Variants in PDRG1 observed in about 807,000 individuals in gnomAD.
PDRG1 encodes p53 and DNA damage-regulated protein 1.
PDRG1 carries 14 observed loss-of-function variants against 18.4 expected under a neutral mutation model. That is an observed-to-expected ratio of 0.76 (90% CI 0.50 to 1.19). The LOEUF (loss-of-function observed/expected upper bound fraction) is 1.19, where lower values mean the gene tolerates loss of function less well. Ranked by LOEUF, PDRG1 falls within the 50% of genes most tolerant of loss-of-function variation. The pLI is 0.00. For missense variants in PDRG1, 177 were observed against 160.1 expected, an observed-to-expected ratio of 1.11 and a Z score of -0.57; for synonymous variants, 65 against 60.9, an observed-to-expected ratio of 1.07 and a Z score of -0.31.
rs1211219201 is a variant in PDRG1, at chr20:31,945,715, C to A, written c.*92G>T. On this transcript the variant is annotated 3_prime_UTR_variant, in exon 5 of 5. Transcript: ENST00000202017. ...TCCTGACGGCTGGCCCCTTACAGGG[C>A]AGATCCTGTCCTTACAGGTGTCAAG... The A allele has an allele frequency of 1.4e-5, 14 of 1,024,754 alleles. No individual in the cohort carries two copies. The highest frequency in any genetic ancestry group is 2.5e-4 in the Middle Eastern group (1 of 4,034). 63.5% of individuals were successfully genotyped at this position (1,024,754 alleles called of 1,614,324 possible). A position where few individuals can be genotyped will look rare whatever the true frequency, so the allele number is the denominator to read the frequency against.
In PDRG1 at chr20:31,950,418, G is replaced by A. The variant is rs902114254; in HGVS notation, c.88-31C>T. On this transcript the variant is annotated intron_variant, in intron 1 of 4. Transcript: ENST00000202017. ...AACCACAGGGACAGGAGGGAACTCA[G>A]CTATCTCTTGCCCCAAGCTGTCACC... 5.2e-6 allele frequency: 8 copies of A among 1,534,648 alleles called. No homozygotes were observed. The Admixed American group carries it at 1.0e-4, about 19-fold the overall frequency.
intron 4 of PDRG1, 60 bp downstream of exon 4, chr20:31,946,436 T>C: frequency 1.4e-6 from 2 of 1,478,698 alleles, no homozygotes; most frequent in South Asian, 2.3e-5. Flanking sequence ...TCCCTGCCCT[T>C]CAAAGTCCAT....
chr20:31,950,422 T>C (rs1464503141), intron 1 of PDRG1, 35 bp from the exon 2 acceptor site: 1 of 1,526,256 alleles, frequency 6.6e-7, no homozygotes, highest in Admixed American at 1.7e-5. Context: ...AACTCAGCTA[T>C]CTCTTGCCCC....
At position 31,945,451 on chromosome 20, in the gene PDRG1, C is replaced by G. The variant is rs758097183; in HGVS notation, c.*356G>C. The G allele has an allele frequency of 5.3e-6, 1 of 188,502 alleles. No homozygotes were observed. The highest frequency in any genetic ancestry group is 1.1e-5 in the Non-Finnish European group (1 of 91,054). 11.7% of individuals were successfully genotyped at this position (188,502 alleles called of 1,614,324 possible). A position where few individuals can be genotyped will look rare whatever the true frequency, so the allele number is the denominator to read the frequency against. ...GACACTCCACTCTGCCCCTCCCTCC[C>G]TCCTTCCTTGCTCAGGGTCCATGTG... On this transcript the variant is annotated 3_prime_UTR_variant, in exon 5 of 5. Transcript: ENST00000202017.
intron 2 of PDRG1, among the ~76,000 whole-genome samples, chr20:31,949,255 T>C (rs2123680202): frequency 6.6e-6 from 1 of 151,984 alleles, no homozygotes; most frequent in Admixed American, 6.5e-5. Flanking sequence ...ACAGCAAAGA[T>C]CAGTAGTGTG....
At chr20:31,951,831 C>G in intron 1 of PDRG1, 44 bp downstream of exon 1, 1 of 1,522,944 alleles carries the variant, frequency 6.6e-7, no homozygotes, top group Non-Finnish European at 8.8e-7. Context: ...CGCTTTCCCA[C>G]GGCGCCGGCC....
At chr20:31,951,783 T>G in intron 1 of PDRG1, 92 bp downstream of exon 1, 1 of 1,364,666 alleles carries the variant, frequency 7.3e-7, no homozygotes, top group Non-Finnish European at 9.8e-7. Flanking sequence ...CTCGGAGCCG[T>G]TAACCGCCTG....
rs778741901 is a variant in PDRG1 at position 31,948,900 on chromosome 20, A to G, written c.164-18T>C. The G allele has an allele frequency of 1.9e-6, 3 of 1,611,940 alleles. No individual in the cohort carries two copies. The East Asian group carries it at 6.7e-5, about 36-fold the overall frequency. On this transcript the variant is annotated intron_variant, in intron 2 of 4. Coordinates refer to ENST00000202017, the MANE Select transcript of PDRG1 (RefSeq NM_030815.3). The stretch of plus-strand genomic sequence containing the variant: ...CACATCTTCTGAAAGAGCAAATAGT[A>G]ATTCCTTCAACAATTTTTTTTTGAG...
Position 31,945,844 on chromosome 20 carries a change from T to A in PDRG1, c.365A>T (p.Asp122Val), listed in dbSNP as rs149510387. ...GATGACCTTGAGAGCTTTAAGCTCA[T>A]CCTGGTTGAGGGGGTTCAAGTTAAA... ...KGFNLNPLNQ[D>V]ELKALKVILK... Residue 122 changes from aspartate (D) to valine (V), a missense_variant, in exon 5 of 5, where the codon GAT becomes GTT. Transcript: ENST00000202017. 1 of 1,614,048 alleles carries A rather than the reference T, an allele frequency of 6.2e-7. No homozygotes were observed. The highest frequency in any genetic ancestry group is 2.2e-5 in the East Asian group (1 of 44,882).
rs1365852986 is a variant in PDRG1, at chr20:31,945,673, G to A, written c.*134C>T. 3 of 658,574 alleles carry A rather than the reference G, an allele frequency of 4.6e-6. No individual in the cohort carries two copies. Among genetic ancestry groups the A allele is most frequent in the Non-Finnish European group, 7.6e-6 (3 of 394,388 alleles). The allele number at this position is 658,574 out of a possible 1,614,324, so 40.8% of individuals were successfully genotyped here. A position where few individuals can be genotyped will look rare whatever the true frequency, so the allele number is the denominator to read the frequency against. ...ACAGAGTAGCCAAGCACTACAAAGA[G>A]GTTTTCATGGCCAGATTCCTGACGG... is the stretch of plus-strand genomic sequence containing the variant. On this transcript the variant is annotated 3_prime_UTR_variant, in exon 5 of 5. Transcript: ENST00000202017.
At chr20:31,946,758 CAGAG>C (rs1273140234) in intron 3 of PDRG1, among the ~76,000 whole-genome samples, 182 bp from the exon 4 acceptor site, 1 of 152,176 alleles carries the variant, frequency 6.6e-6, no homozygotes, top group Admixed American at 6.5e-5. Context: ...CAGGACCACT[CAGAG>C]AGCCCAGGAC....
intron 4 of PDRG1, among the ~76,000 whole-genome samples, chr20:31,946,168 G>A (rs1029109227): frequency 2.0e-5 from 3 of 152,144 alleles, no homozygotes; most frequent in Non-Finnish European, 4.4e-5. Context: ...TTTCAGCTCT[G>A]ACCTCACTCA....
chr20:31,945,993 G>A lies in PDRG1; in HGVS notation c.320-104C>T, dbSNP rs2064314489. The stretch of plus-strand genomic sequence containing the variant: ...GCACTAATGCTGCCAAACTCAGCCT[G>A]GAGGTCTGGCAGGGATGGGCCTCCA... On this transcript the variant is annotated intron_variant, in intron 4 of 4. Coordinates refer to ENST00000202017, the MANE Select transcript of PDRG1 (RefSeq NM_030815.3). The A allele has an allele frequency of 1.6e-5, 15 of 926,892 alleles. No homozygotes were observed. The South Asian group carries it at 2.2e-4, about 13-fold the overall frequency. 57.4% of individuals were successfully genotyped at this position (926,892 alleles called of 1,614,324 possible).
rs1428085660 is a variant in PDRG1, at chr20:31,952,002, G to A, written c.-41C>T. On this transcript the variant is annotated 5_prime_UTR_variant, in exon 1 of 5. Transcript: ENST00000202017. ...CGCTTGCGGCTCTCGCGCGACCCCG[G>A]GATCTCCGCTTCGACTCCCGCTGCG... 9 of 1,499,632 alleles carry A rather than the reference G, an allele frequency of 6.0e-6. No individual in the cohort carries two copies. The highest frequency in any genetic ancestry group is 5.1e-5 in the Admixed American group (2 of 39,428). The allele number at this position is 1,499,632 out of a possible 1,614,324, so 92.9% of individuals were successfully genotyped here.
At position 31,945,003 on chromosome 20, in the gene PDRG1, T is replaced by C. The variant is rs1285903183; in HGVS notation, c.*804A>G. 1 of 152,182 alleles carries C rather than the reference T, an allele frequency of 6.6e-6. No homozygotes were observed. Among genetic ancestry groups the C allele is most frequent in the East Asian group, 1.9e-4 (1 of 5,188 alleles). 9.4% of individuals were successfully genotyped at this position (152,182 alleles called of 1,614,324 possible). A position where few individuals can be genotyped will look rare whatever the true frequency, so the allele number is the denominator to read the frequency against. On this transcript the variant is annotated 3_prime_UTR_variant, in exon 5 of 5. Transcript: ENST00000202017. The stretch of plus-strand genomic sequence containing the variant: ...ATTTATTGAGCCCTTAATGAACACA[T>C]AAGAGTTTTGACTTCACGGCAGTTC...
intron 2 of PDRG1, 63 bp from the exon 3 acceptor site, chr20:31,948,945 A>T: frequency 6.8e-7 from 1 of 1,460,438 alleles, no homozygotes; most frequent in Non-Finnish European, 9.6e-7. Flanking sequence ...TCTGCCAGGC[A>T]TTGTTTTAGA....
chr20:31,945,548 C>T lies in PDRG1; in HGVS notation c.*259G>A, dbSNP rs1199951481. ...CCCCCACAGCCACTGCCCCACACAC[C>T]CACTGGTGGCTACCAAGGCCCGTCA... On this transcript the variant is annotated 3_prime_UTR_variant, in exon 5 of 5. Transcript: ENST00000202017. The T allele has an allele frequency of 5.0e-6, 2 of 401,252 alleles. No homozygotes were observed. Among genetic ancestry groups the T allele is most frequent in the Non-Finnish European group, 9.1e-6 (2 of 220,890 alleles). The allele number at this position is 401,252 out of a possible 1,614,324, so 24.9% of individuals were successfully genotyped here.
Position 31,946,516 on chromosome 20 carries a change from T to G in PDRG1, c.299A>C (p.Asn100Thr), listed in dbSNP as rs200378363. The G allele has an allele frequency of 6.2e-7, 1 of 1,612,454 alleles. No individual in the cohort carries two copies. The highest frequency in any genetic ancestry group is 8.5e-7 in the Non-Finnish European group (1 of 1,178,642). The change falls in exon 4 of 5, where the codon AAC becomes ACC. Residue 100 changes from asparagine to threonine, a missense_variant. Asn to Thr is a moderately conservative substitution (Grantham distance 65). Transcript: ENST00000202017. Reference sequence around the variant, plus strand: ...AATACCTTGGGCCTCAAAAAGGCGGTTGACCTTCACTTTAAGTTGCTTCCG... The same window carrying G: ...AATACCTTGGGCCTCAAAAAGGCGGGTGACCTTCACTTTAAGTTGCTTCCG... ...KLRKQLKVKVNRLFEAQGKPE... is the reference protein window; with the variant it reads ...KLRKQLKVKVTRLFEAQGKPE...
At chr20:31,950,759 G>A (rs920493346) in intron 1 of PDRG1, among the ~76,000 whole-genome samples, 1 of 152,148 alleles carries the variant, frequency 6.6e-6, no homozygotes, top group Non-Finnish European at 1.5e-5. Flanking sequence ...AGCTGATTCT[G>A]AACTAGTAAT....
Sources: gnomAD v4.1 joint callset for allele counts (sites outside exome capture counted in the v4.1 genomes callset) on GRCh38, gnomAD v4.1.1 for gene constraint, MANE v1.5 for transcripts, NCBI Gene and HGNC (gene_info 2026-07-23, HGNC 2026-07-21) for gene names.